Variants in CCSER1 observed in about 807,000 individuals in gnomAD.
The protein encoded by CCSER1 is coiled-coil serine rich protein 1, also known as serine-rich coiled-coil domain-containing protein 1.
In CCSER1, 41 loss-of-function variants were observed where a neutral mutation model predicts 82.0. The observed-to-expected ratio is 0.50, with a 90% confidence interval of 0.39 to 0.65. The LOEUF (loss-of-function observed/expected upper bound fraction) is 0.65. Ranked by LOEUF, CCSER1 falls within the 30% of genes least tolerant of loss-of-function variation. CCSER1 has a pLI of 0.00. For synonymous variants in CCSER1, 414 were observed against 383.9 expected, an observed-to-expected ratio of 1.08 and a Z score of -0.92; for missense variants, 1,119 against 1,064.2, an observed-to-expected ratio of 1.05 and a Z score of -0.72.
chr4:91,451,383 C>T (rs1284287687), intron 10 of CCSER1, among the ~76,000 whole-genome samples: 2 of 151,950 alleles, frequency 1.3e-5, no homozygotes, highest in Non-Finnish European at 2.9e-5. Context: ...AAGCATCATA[C>T]TATTTCCAAC....
chr4:91,415,905 A>G (rs541649525), intron 10 of CCSER1, among the ~76,000 whole-genome samples: 115 of 152,174 alleles, frequency 7.6e-4, no homozygotes, highest in African/African-American at 2.7e-3. Context: ...AGGTTTTGGT[A>G]TCAGGATGAT....
At chr4:90,699,230 G>C (rs1417567497) in intron 6 of CCSER1, among the ~76,000 whole-genome samples, 1 of 152,110 alleles carries the variant, frequency 6.6e-6, no homozygotes, top group Non-Finnish European at 1.5e-5. Flanking sequence ...TCAGGAAGTC[G>C]AGGCAGGTGA....
chr4:90,785,808 A>G (rs746469367), intron 7 of CCSER1, among the ~76,000 whole-genome samples: 1 of 152,210 alleles, frequency 6.6e-6, no homozygotes, highest in African/African-American at 2.4e-5. Flanking sequence ...AATTTAATGA[A>G]CAAAATGAGT....
At position 90,305,039 on chromosome 4, in the gene CCSER1, C is replaced by G. The variant is rs915853747; in HGVS notation, c.-41-3205C>G. Among the ~76,000 whole-genome samples the G allele has an allele frequency of 5.3e-5, 8 of 151,904 alleles. 1 individual carries two copies. Among genetic ancestry groups the G allele is most frequent in the African/African-American group, 1.9e-4 (8 of 41,362 alleles). ...TCATGCCATTCTCCCGCCTCAGCCT[C>G]CCTAGTAGCTGGGACTACAGGCGCC... On this transcript the variant is annotated intron_variant, in intron 1 of 10. Transcript: ENST00000509176.
At chr4:91,022,459 G>A (rs1421193493) in intron 9 of CCSER1, among the ~76,000 whole-genome samples, 12 of 151,998 alleles carry the variant, frequency 7.9e-5, no homozygotes, top group African/African-American at 1.5e-4. Context: ...GAATAGTGCC[G>A]CAGTAAACAT....
chr4:90,134,661 G>A (rs1216733273), intron 1 of CCSER1, among the ~76,000 whole-genome samples: 1 of 152,240 alleles, frequency 6.6e-6, no homozygotes, highest in African/African-American at 2.4e-5. Flanking sequence ...AGAGCTTTGA[G>A]CATGTTGCTT....
At chr4:91,277,150 A>G (rs1742530658) in intron 10 of CCSER1, among the ~76,000 whole-genome samples, 1 of 152,048 alleles carries the variant, frequency 6.6e-6, no homozygotes, top group Admixed American at 6.6e-5. Flanking sequence ...TATCAGGGTA[A>G]TACTGCCCTC....
At chr4:91,585,843 G>A (rs1435135560) in intron 10 of CCSER1, among the ~76,000 whole-genome samples, 1 of 151,640 alleles carries the variant, frequency 6.6e-6, no homozygotes, top group Non-Finnish European at 1.5e-5. Context: ...ATCATTCAGA[G>A]TGATGTAGGC....
At chr4:90,402,798 C>A (rs143960508) in intron 4 of CCSER1, among the ~76,000 whole-genome samples, 1 of 152,034 alleles carries the variant, frequency 6.6e-6, no homozygotes, top group Admixed American at 6.6e-5. Flanking sequence ...CTCTCCTTTA[C>A]GAAGTAATAA....
intron 6 of CCSER1, among the ~76,000 whole-genome samples, chr4:90,651,599 G>A (rs1266988464): frequency 1.3e-5 from 2 of 152,020 alleles, no homozygotes; most frequent in East Asian, 3.9e-4. Flanking sequence ...GTGACAGGTC[G>A]ATGGGTGCAA....
chr4:91,571,697 C>A (rs1763191974), intron 10 of CCSER1, among the ~76,000 whole-genome samples: 1 of 152,134 alleles, frequency 6.6e-6, no homozygotes, highest in Non-Finnish European at 1.5e-5. Context: ...TTATAGAATT[C>A]AAGATGGGAT....
chr4:91,220,073 C>G (rs1054900722), intron 10 of CCSER1, among the ~76,000 whole-genome samples: 1 of 152,126 alleles, frequency 6.6e-6, no homozygotes, highest in East Asian at 1.9e-4. Context: ...ACTTCCCTCC[C>G]GAGTCACTTT....
At chr4:90,880,132 C>G (rs62312266) in intron 8 of CCSER1, among the ~76,000 whole-genome samples, 1 of 152,150 alleles carries the variant, frequency 6.6e-6, no homozygotes, top group Admixed American at 6.5e-5. Context: ...TCTCAATGCT[C>G]TCTGAAAGTG....
At chr4:91,163,352 T>C (rs1274691643) in intron 10 of CCSER1, among the ~76,000 whole-genome samples, 1 of 152,160 alleles carries the variant, frequency 6.6e-6, no homozygotes, top group Non-Finnish European at 1.5e-5. Flanking sequence ...TACTTCCACC[T>C]ATGTGGTCAA....
chr4:90,466,879 A>T lies in CCSER1; in HGVS notation c.1604-1355A>T, dbSNP rs10032755. Reference sequence around the variant, plus strand: ...TATTGATATTTTTCCAATATAAATAAGTTTGTGCACTGTTTAAAAAAGTAC... The same window carrying T: ...TATTGATATTTTTCCAATATAAATATGTTTGTGCACTGTTTAAAAAAGTAC... On this transcript the variant is annotated intron_variant, in intron 4 of 10. Coordinates refer to ENST00000509176, the MANE Select transcript of CCSER1 (RefSeq NM_001145065.2). Among the ~76,000 whole-genome samples, 1,304 of 152,198 alleles carry T rather than the reference A, an allele frequency of 8.6e-3. 14 individuals are homozygous for T. The highest frequency in any genetic ancestry group is 0.029 in the African/African-American group (1,210 of 41,434).
intron 10 of CCSER1, among the ~76,000 whole-genome samples, chr4:91,309,068 G>C (rs1745264720): frequency 6.6e-6 from 1 of 151,754 alleles, no homozygotes; most frequent in African/African-American, 2.4e-5. Flanking sequence ...TCTTTCCCTT[G>C]CATATTATTC....
chr4:90,834,099 G>C (rs78614985), intron 8 of CCSER1, among the ~76,000 whole-genome samples: 25,477 of 152,098 alleles, frequency 0.17, 2,595 homozygotes, highest in South Asian at 0.27. Flanking sequence ...AATGGACTAA[G>C]AGAAGTTTGA....
rs1367759155 is a variant in CCSER1, at chr4:90,862,258, G to A, written c.2094+46413G>A. 4.0e-5 allele frequency among the ~76,000 whole-genome samples: 6 copies of A among 151,880 alleles called. No homozygotes were observed. The South Asian group carries it at 1.2e-3, about 31-fold the overall frequency. On this transcript the variant is annotated intron_variant, in intron 8 of 10. Coordinates refer to ENST00000509176, the MANE Select transcript of CCSER1 (RefSeq NM_001145065.2). The stretch of plus-strand genomic sequence containing the variant: ...TAGCAATTAGATTGTGTTTTCATAT[G>A]CACTTAAAAAGTGTCTGGGCTGGTA...
intron 1 of CCSER1, 138 bp from the exon 2 acceptor site, chr4:90,308,106 G>A (rs1298594460): frequency 2.5e-5 from 14 of 566,246 alleles, no homozygotes; most frequent in Non-Finnish European, 3.7e-5. Flanking sequence ...TCTTTATTAG[G>A]TATCAGATTT....
Sources: gnomAD v4.1 joint callset for allele counts (sites outside exome capture counted in the v4.1 genomes callset) on GRCh38, gnomAD v4.1.1 for gene constraint, MANE v1.5 for transcripts, NCBI Gene and HGNC (gene_info 2026-07-23, HGNC 2026-07-21) for gene names.